The following DNAH9 variants were observed in gnomAD, a reference collection of about 807,000 sequenced individuals.
DNAH9 encodes DNAH9 variant protein.
DNAH9 carries 345 observed loss-of-function variants against 471.6 expected under a neutral mutation model. The observed-to-expected ratio is 0.73, with a 90% CI of 0.67 to 0.80. The LOEUF is 0.80. Ranked by LOEUF, DNAH9 falls within the 30% of genes least tolerant of loss-of-function variation. DNAH9 has a pLI of 0.00. For missense variants in DNAH9, 5,407 were observed against 5,609.2 expected, an observed-to-expected ratio of 0.96 and a Z score of 1.15; for synonymous variants, 2,093 against 2,123.6, an observed-to-expected ratio of 0.99 and a Z score of 0.40.
chr17:11,659,664 C>T (rs139105911), intron 14 of DNAH9, among the ~76,000 whole-genome samples: 28 of 152,334 alleles, frequency 1.8e-4, no homozygotes, highest in African/African-American at 5.3e-4. Flanking sequence ...GTCACAGCTA[C>T]GCTTGATGCA....
rs764722036 is a variant in DNAH9, at chr17:11,855,672, ATTT to A, written c.9933+1246_9933+1248del. 1.5e-4 allele frequency among the ~76,000 whole-genome samples: 23 copies of A among 152,336 alleles called. No individual in the cohort carries two copies. In the East Asian group the frequency reaches 4.4e-3, roughly 29 times the overall value. On this transcript the variant is annotated intron_variant, in intron 50 of 68. Transcript: ENST00000262442. ...ATCACATTACCTTAAGGCTCAAAAT[ATTT>A]TAAAGTTCCAACAGCTTAGATCTTG... is the stretch of plus-strand genomic sequence containing the variant.
intron 32 of DNAH9, among the ~76,000 whole-genome samples, chr17:11,750,355 T>C (rs1967097461): frequency 6.6e-6 from 1 of 152,208 alleles, no homozygotes. Context: ...GTTATCTGTT[T>C]TTTATTTTCA....
intron 55 of DNAH9, among the ~76,000 whole-genome samples, chr17:11,881,713 C>T (rs1878336404): frequency 6.6e-6 from 1 of 152,062 alleles, no homozygotes; most frequent in African/African-American, 2.4e-5. Context: ...TCGAGACCAG[C>T]CTGGCCAACA....
intron 38 of DNAH9, among the ~76,000 whole-genome samples, chr17:11,779,248 G>C (rs1968581650): frequency 1.3e-5 from 2 of 152,138 alleles, no homozygotes. Context: ...TCAGAACCCA[G>C]AAGTGTGGCG....
chr17:11,685,415 A>C (rs2074224127), intron 19 of DNAH9, among the ~76,000 whole-genome samples: 1 of 152,192 alleles, frequency 6.6e-6, no homozygotes, highest in African/African-American at 2.4e-5. Context: ...TTTGACCATA[A>C]TCTCAGCCAC....
At chr17:11,631,440 C>T (rs892848584) in intron 7 of DNAH9, among the ~76,000 whole-genome samples, 2 of 151,714 alleles carry the variant, frequency 1.3e-5, no homozygotes, top group Non-Finnish European at 2.9e-5. Context: ...AAAGGTGGAC[C>T]GTAGACTATC....
intron 14 of DNAH9, among the ~76,000 whole-genome samples, chr17:11,659,140 T>A (rs1013271096): frequency 6.6e-6 from 1 of 151,584 alleles, no homozygotes; most frequent in Admixed American, 6.6e-5. Context: ...GGAAAGTGTT[T>A]GATAATTATT....
chr17:11,842,553 G>A (rs1971069027), intron 49 of DNAH9, among the ~76,000 whole-genome samples: 4 of 152,182 alleles, frequency 2.6e-5, no homozygotes, highest in Admixed American at 2.6e-4. Context: ...CAAAAGTAGG[G>A]AAGCTGACAG....
intron 61 of DNAH9, among the ~76,000 whole-genome samples, chr17:11,919,898 T>C (rs983667258): frequency 2.0e-5 from 3 of 152,066 alleles, no homozygotes; most frequent in African/African-American, 7.2e-5. Context: ...TAAAAAAATT[T>C]AGGAAGTAGG....
intron 43 of DNAH9, among the ~76,000 whole-genome samples, chr17:11,799,891 A>G (rs972645609): frequency 2.0e-5 from 3 of 152,080 alleles, no homozygotes; most frequent in African/African-American, 7.2e-5. Context: ...AGCCCCCACT[A>G]TCTTCTTACT....
chr17:11,652,574 C>T (rs1280704179), intron 13 of DNAH9, among the ~76,000 whole-genome samples, 187 bp from the exon 14 acceptor site: 2 of 151,942 alleles, frequency 1.3e-5, no homozygotes, highest in East Asian at 1.9e-4. Flanking sequence ...CGTGACCCAC[C>T]GTGCCCGGCC....
chr17:11,791,055 T>C (rs1969047067), intron 41 of DNAH9, among the ~76,000 whole-genome samples: 1 of 152,206 alleles, frequency 6.6e-6, no homozygotes, highest in South Asian at 2.1e-4. Context: ...TCTTTATTCC[T>C]GTACATTCCT....
rs2074121225 is a variant in DNAH9 at position 11,680,832 on chromosome 17, C to G, written c.3686C>G (p.Ala1229Gly). ...ACACTCCTCCGCCAGAGGTGCACAGCCTTCGATGCAGAACAGCAGCAATTC... is the reference window on the plus strand; with the variant it reads ...ACACTCCTCCGCCAGAGGTGCACAGGCTTCGATGCAGAACAGCAGCAATTC... ...EVTLLRQRCT[A>G]FDAEQQQFWE... Residue 1229 changes from alanine to glycine, a missense_variant, in exon 19 of 69, where the codon GCC becomes GGC. By Grantham distance (60) the Ala-to-Gly change is moderately conservative (BLOSUM62 0). Around this residue, in one of 3 missense-constraint regions of DNAH9, gnomAD observed 4,636 missense variants for 4,900.3 expected, o/e 0.95. Coordinates refer to ENST00000262442, the MANE Select transcript of DNAH9 (RefSeq NM_001372.4). 7.4e-6 allele frequency: 12 copies of G among 1,613,786 alleles called. No individual in the cohort carries two copies. The East Asian group carries it at 2.2e-4, about 30-fold the overall frequency.
intron 9 of DNAH9, among the ~76,000 whole-genome samples, chr17:11,639,359 T>G (rs939417522): frequency 6.6e-6 from 1 of 152,252 alleles, no homozygotes; most frequent in African/African-American, 2.4e-5. Context: ...AGCTGATTCT[T>G]GCTAATCTTC....
At chr17:11,660,421 C>T (rs1040758055) in intron 14 of DNAH9, among the ~76,000 whole-genome samples, 1 of 148,334 alleles carries the variant, frequency 6.7e-6, no homozygotes, top group African/African-American at 2.5e-5. Context: ...TTCCCAGGCT[C>T]AAGCGATTCT....
In DNAH9 at chr17:11,598,514, G is replaced by A; in HGVS notation, c.16G>A (p.Glu6Lys). Residue 6 changes from glutamate to lysine, a missense_variant, in exon 1 of 69, where the codon GAG becomes AAG. By Grantham distance (56) the Glu-to-Lys change is moderately conservative. Coordinates refer to ENST00000262442, the MANE Select transcript of DNAH9 (RefSeq NM_001372.4). ...GCCGCGCGCGATGCGGCTCGCGGAG[G>A]AGCGGGCCGCGCTCGCGGCGGAGAA... Reference protein sequence around the residue: MRLAEERAALAAENAD... With the variant: MRLAEKRAALAAENAD... 1 of 1,350,822 alleles carries A rather than the reference G, an allele frequency of 7.4e-7. No individual in the cohort carries two copies. 83.7% of individuals were successfully genotyped at this position (1,350,822 alleles called of 1,614,324 possible).
intron 58 of DNAH9, among the ~76,000 whole-genome samples, 198 bp from the exon 59 acceptor site, chr17:11,894,176 T>C (rs1449775197): frequency 6.6e-6 from 1 of 152,168 alleles, no homozygotes; most frequent in Non-Finnish European, 1.5e-5. Context: ...ACTCTCATAT[T>C]TGGGGTGAAA....
chr17:11,630,981 G>A (rs1170775794), intron 7 of DNAH9, among the ~76,000 whole-genome samples: 1 of 152,190 alleles, frequency 6.6e-6, no homozygotes, highest in East Asian at 1.9e-4. Flanking sequence ...GGCAAAAACT[G>A]CTAAGGGAAG....
chr17:11,797,934 G>C, intron 43 of DNAH9, 141 bp downstream of exon 43: 1 of 812,874 alleles, frequency 1.2e-6, no homozygotes, highest in Non-Finnish European at 1.9e-6. Context: ...ATGGCTGCTG[G>C]CAGAGCAGCT....
Sources: gnomAD v4.1 joint callset for allele counts (sites outside exome capture counted in the v4.1 genomes callset) on GRCh38, gnomAD v4.1.1 for gene constraint, gnomAD v4.1.1 regional missense constraint, MANE v1.5 for transcripts, NCBI Gene and HGNC (gene_info 2026-07-23, HGNC 2026-07-21) for gene names.